WDR49: variants seen among roughly 807,000 people sequenced by gnomAD.
The protein encoded by WDR49 is cilia- and flagella-associated protein 337.
In WDR49, 107 loss-of-function variants were observed where a neutral mutation model predicts 119.5. That is an observed-to-expected ratio of 0.90 (90% CI 0.77 to 1.05). The LOEUF (loss-of-function observed/expected upper bound fraction) is 1.05. Among genes scored for constraint, WDR49 ranks in the 50% least tolerant of loss-of-function variants. The pLI, the probability that WDR49 is intolerant of heterozygous loss-of-function variation, is 0.00. For synonymous variants in WDR49, 425 were observed against 418.8 expected, an observed-to-expected ratio of 1.01 and a Z score of -0.18; for missense variants, 1,240 against 1,220.5, an observed-to-expected ratio of 1.02 and a Z score of -0.24.
At chr3:167,547,735 G>T in intron 10 of WDR49, among the ~76,000 whole-genome samples, 1 of 149,288 alleles carries the variant, frequency 6.7e-6, no homozygotes. Flanking sequence ...TATAAAAAAT[G>T]ACACCAGTGA....
intron 5 of WDR49, among the ~76,000 whole-genome samples, chr3:167,614,416 C>T (rs1716500537): frequency 6.6e-6 from 1 of 152,138 alleles, no homozygotes; most frequent in African/African-American, 2.4e-5. Context: ...TATCTGCATT[C>T]CCAGACTACA....
At chr3:167,496,133 G>C (rs893641753) in intron 18 of WDR49, among the ~76,000 whole-genome samples, 3 of 152,066 alleles carry the variant, frequency 2.0e-5, no homozygotes, top group African/African-American at 7.2e-5. Context: ...AAAGAGCATT[G>C]TAACTTCTAG....
chr3:167,603,387 T>A (rs1018561289), intron 6 of WDR49, among the ~76,000 whole-genome samples: 1 of 152,168 alleles, frequency 6.6e-6, no homozygotes, highest in African/African-American at 2.4e-5. Context: ...AACTCCTCTA[T>A]CCTTCTCTAA....
intron 5 of WDR49, among the ~76,000 whole-genome samples, chr3:167,617,734 G>A (rs1410568717): frequency 2.0e-5 from 3 of 152,034 alleles, no homozygotes; most frequent in South Asian, 2.1e-4. Flanking sequence ...TTTATAAGAC[G>A]TCCTAAGATG....
At position 167,531,106 on chromosome 3, in the gene WDR49, A is replaced by G. The variant is rs776608324; in HGVS notation, c.2218+9T>C. On this transcript the variant is annotated intron_variant, in intron 13 of 18. Coordinates refer to ENST00000682715, the MANE Select transcript of WDR49 (RefSeq NM_001366157.1). ...CCAACTATATGTAAAATGTAAATAT[A>G]TATTTTACCTGTCACTGCAGTGTTT... The G allele has an allele frequency of 3.7e-6, 6 of 1,605,350 alleles. No homozygotes were observed. Among genetic ancestry groups the G allele is most frequent in the Admixed American group, 1.7e-5 (1 of 57,670 alleles).
At position 167,549,155 on chromosome 3, in the gene WDR49, G is replaced by A. The variant is rs188339576; in HGVS notation, c.1823+5495C>T. Among the ~76,000 whole-genome samples the A allele has an allele frequency of 2.1e-3, 320 of 152,232 alleles. 4 individuals carry two copies. The East Asian group carries it at 0.031, about 15-fold the overall frequency. ...GTGAATAGTGCCACAATAAACATAC[G>A]TGCGCATGTGTCTTTATAGCAGCAT... On this transcript the variant is annotated intron_variant, in intron 10 of 18. Transcript: ENST00000682715.
At chr3:167,554,142 G>A (rs73878745) in intron 10 of WDR49, among the ~76,000 whole-genome samples, 235 of 152,118 alleles carry the variant, frequency 1.5e-3, no homozygotes, top group African/African-American at 5.4e-3. Flanking sequence ...AAAAAGGAAG[G>A]AAAAGTAATT....
chr3:167,622,174 A>T (rs1311331064), intron 3 of WDR49, among the ~76,000 whole-genome samples: 1 of 152,152 alleles, frequency 6.6e-6, no homozygotes, highest in Admixed American at 6.6e-5. Context: ...GATTTACTAG[A>T]AAAAGACTTC....
At chr3:167,615,952 T>C (rs994531884) in intron 5 of WDR49, among the ~76,000 whole-genome samples, 6 of 152,226 alleles carry the variant, frequency 3.9e-5, no homozygotes, top group African/African-American at 4.8e-5. Flanking sequence ...TACTGACTGC[T>C]GCTTAGTTTT....
chr3:167,585,533 T>C (rs1353701706), intron 7 of WDR49, among the ~76,000 whole-genome samples: 2 of 151,842 alleles, frequency 1.3e-5, no homozygotes, highest in East Asian at 1.9e-4. Flanking sequence ...AATTGCTGTA[T>C]AGCCAAAAAA....
rs548226805 is a variant in WDR49, at chr3:167,532,799, C to T, written c.2053+80G>A. The T allele has an allele frequency of 2.1e-4, 189 of 901,386 alleles. 1 individual carries two copies. In the South Asian group the frequency reaches 3.0e-3, roughly 14 times the overall value. The allele number at this position is 901,386 out of a possible 1,614,324, so 55.8% of individuals were successfully genotyped here. ...AATCATCTATAATTTAGGATCAAGT[C>T]GCATCAGGCACATGCATGAACAACC... On this transcript the variant is annotated intron_variant, in intron 12 of 18. Coordinates refer to ENST00000682715, the MANE Select transcript of WDR49 (RefSeq NM_001366157.1).
intron 2 of WDR49, among the ~76,000 whole-genome samples, chr3:167,627,687 A>G (rs1322276711): frequency 6.6e-6 from 1 of 152,062 alleles, no homozygotes; most frequent in Non-Finnish European, 1.5e-5. Flanking sequence ...TGACAACTTG[A>G]TTTTATCCCT....
intron 10 of WDR49, among the ~76,000 whole-genome samples, chr3:167,545,317 C>A (rs1179812274): frequency 7.3e-5 from 11 of 151,374 alleles, no homozygotes; most frequent in Non-Finnish European, 1.5e-4. Context: ...ACTAGATATA[C>A]CATTTGATCC....
chr3:167,503,390 A>C (rs1279326939), intron 17 of WDR49, among the ~76,000 whole-genome samples: 1 of 152,104 alleles, frequency 6.6e-6, no homozygotes, highest in African/African-American at 2.4e-5. Context: ...CTGCTTCCAA[A>C]ATGGCGGTGG....
At chr3:167,608,159 G>A (rs747570079) in intron 5 of WDR49, among the ~76,000 whole-genome samples, 2 of 152,166 alleles carry the variant, frequency 1.3e-5, no homozygotes, top group African/African-American at 2.4e-5. Context: ...TCTCATTCAG[G>A]AAGCAGCCTC....
chr3:167,585,109 T>C (rs1178590629), intron 7 of WDR49, among the ~76,000 whole-genome samples: 3 of 152,116 alleles, frequency 2.0e-5, no homozygotes, highest in Admixed American at 1.3e-4. Context: ...CATGATCAGA[T>C]ATTGCACAAA....
At chr3:167,564,952 C>T (rs1190530823) in intron 8 of WDR49, among the ~76,000 whole-genome samples, 2 of 151,810 alleles carry the variant, frequency 1.3e-5, no homozygotes, top group African/African-American at 4.8e-5. Flanking sequence ...ATGCCACGAG[C>T]TAACAGAGGG....
intron 16 of WDR49, among the ~76,000 whole-genome samples, chr3:167,518,110 C>A (rs1752290454): frequency 6.6e-6 from 1 of 151,938 alleles, no homozygotes; most frequent in South Asian, 2.1e-4. Context: ...ATATGTGCCA[C>A]ATTTTCTTAA....
intron 3 of WDR49, among the ~76,000 whole-genome samples, 199 bp from the exon 4 acceptor site, chr3:167,621,842 A>G (rs1716888032): frequency 6.6e-6 from 1 of 152,080 alleles, no homozygotes; most frequent in Admixed American, 6.6e-5. Flanking sequence ...AACTTTTCCC[A>G]TTAGAGGCAT....
Sources: allele counts gnomAD v4.1 joint callset (sites outside exome capture counted in the v4.1 genomes callset), GRCh38; gene constraint gnomAD v4.1.1; transcripts MANE v1.5; gene names NCBI Gene and HGNC (gene_info 2026-07-23, HGNC 2026-07-21).